SLC25A21: variants seen among roughly 807,000 people sequenced by gnomAD.
SLC25A21 encodes the protein mitochondrial 2-oxodicarboxylate carrier.
SLC25A21 carries 47 observed loss-of-function variants against 43.8 expected under a neutral mutation model. That is an observed-to-expected ratio of 1.07 (90% CI 0.85 to 1.37). The LOEUF (loss-of-function observed/expected upper bound fraction) is 1.37, where lower values mean the gene tolerates loss of function less well. SLC25A21 is among the 40% of genes most tolerant of loss of function. The pLI is 0.00. For missense variants in SLC25A21, 352 were observed against 350.2 expected (o/e 1.00, Z -0.04); for synonymous variants, 131 against 121.3 (o/e 1.08, Z -0.52).
At chr14:37,145,235 C>G (rs998853585) in intron 1 of SLC25A21, among the ~76,000 whole-genome samples, 1 of 151,786 alleles carries the variant, frequency 6.6e-6, no homozygotes, top group African/African-American at 2.4e-5. Flanking sequence ...ATCAGAATCC[C>G]CATAGAATAC....
chr14:37,156,649 G>C (rs1405729682), intron 1 of SLC25A21, among the ~76,000 whole-genome samples: 1 of 150,860 alleles, frequency 6.6e-6, no homozygotes, highest in Non-Finnish European at 1.5e-5. Context: ...AGCTAAAACA[G>C]GCTTTAAGTC....
chr14:36,824,258 T>TG (rs1888738940), intron 2 of SLC25A21, among the ~76,000 whole-genome samples: 1 of 152,054 alleles, frequency 6.6e-6, no homozygotes, highest in Non-Finnish European at 1.5e-5. Context: ...GGAAAAAAAT[T>TG]GGGGGAATGG....
chr14:37,027,798 C>T (rs899082769), intron 1 of SLC25A21, among the ~76,000 whole-genome samples: 2 of 152,080 alleles, frequency 1.3e-5, no homozygotes, highest in Non-Finnish European at 2.9e-5. Flanking sequence ...TGCTCTAGTG[C>T]GGTTCAAGGT....
intron 1 of SLC25A21, among the ~76,000 whole-genome samples, chr14:37,144,187 T>C (rs1006722429): frequency 2.0e-5 from 3 of 152,198 alleles, no homozygotes; most frequent in African/African-American, 7.2e-5. Context: ...CTATTTAACC[T>C]ATAAATCAGT....
At chr14:36,931,871 T>A (rs747584203) in intron 1 of SLC25A21, among the ~76,000 whole-genome samples, 3 of 152,182 alleles carry the variant, frequency 2.0e-5, no homozygotes, top group South Asian at 2.1e-4. Flanking sequence ...AAAATAAAAT[T>A]AAATTAATTT....
intron 2 of SLC25A21, among the ~76,000 whole-genome samples, chr14:36,864,988 A>T (rs396986): frequency 0.013 from 1,994 of 147,750 alleles, 26 homozygotes; most frequent in Non-Finnish European, 0.022. Flanking sequence ...TTTTCCTTGT[A>T]TTCTCTCCCC....
At chr14:36,837,597 T>C (rs892535646) in intron 2 of SLC25A21, among the ~76,000 whole-genome samples, 1 of 152,142 alleles carries the variant, frequency 6.6e-6, no homozygotes, top group Non-Finnish European at 1.5e-5. Context: ...TGTGGGGCCA[T>C]GTCCAGTCAG....
intron 3 of SLC25A21, among the ~76,000 whole-genome samples, chr14:36,800,989 T>C (rs904012567): frequency 2.0e-5 from 3 of 152,226 alleles, no homozygotes; most frequent in African/African-American, 2.4e-5. Flanking sequence ...TTACAGAAAA[T>C]ACCTTCATTT....
At chr14:36,752,120 A>C (rs115494363) in intron 3 of SLC25A21, among the ~76,000 whole-genome samples, 223 of 152,344 alleles carry the variant, frequency 1.5e-3, no homozygotes, top group Middle Eastern at 0.01. Context: ...AAACACATGA[A>C]TGAAATAATG....
intron 1 of SLC25A21, among the ~76,000 whole-genome samples, chr14:36,990,655 T>A (rs1343068365): frequency 3.3e-5 from 5 of 152,110 alleles, no homozygotes; most frequent in African/African-American, 1.2e-4. Flanking sequence ...GGTGGGAGAA[T>A]AGCTTGAGTC....
chr14:37,120,466 T>C (rs1963187707), intron 1 of SLC25A21, among the ~76,000 whole-genome samples: 1 of 152,182 alleles, frequency 6.6e-6, no homozygotes, highest in African/African-American at 2.4e-5. Flanking sequence ...AGTCCTCCAA[T>C]AAATCAGTGG....
chr14:36,697,072 C>A (rs1348383603), intron 7 of SLC25A21, among the ~76,000 whole-genome samples: 2 of 152,174 alleles, frequency 1.3e-5, no homozygotes, highest in Non-Finnish European at 2.9e-5. Context: ...CCTGTACACA[C>A]CGCTTTAAAT....
chr14:37,085,022 T>C (rs1308786183), intron 1 of SLC25A21, among the ~76,000 whole-genome samples: 3 of 152,236 alleles, frequency 2.0e-5, no homozygotes, highest in Non-Finnish European at 4.4e-5. Context: ...TGTCTGGTTT[T>C]TTTTAACTGG....
chr14:36,731,195 G>C (rs1296617416), intron 4 of SLC25A21, among the ~76,000 whole-genome samples: 1 of 152,104 alleles, frequency 6.6e-6, no homozygotes, highest in Non-Finnish European at 1.5e-5. Flanking sequence ...GGATGGTCTC[G>C]ATCTCCTGAC....
chr14:36,736,157 G>T (rs1338178974), intron 3 of SLC25A21, among the ~76,000 whole-genome samples: 1 of 151,882 alleles, frequency 6.6e-6, no homozygotes, highest in Non-Finnish European at 1.5e-5. Context: ...GGATGGTCTC[G>T]ATCTCCTGAC....
intron 1 of SLC25A21, among the ~76,000 whole-genome samples, chr14:36,940,972 CTTTCT>C (rs1892541686): frequency 6.6e-6 from 1 of 152,050 alleles, no homozygotes. Flanking sequence ...CATTTCATTG[CTTTCT>C]TTTTTCTTTT....
chr14:37,139,117 C>T lies in SLC25A21; in HGVS notation c.70+33164G>A, dbSNP rs1483749841. Among the ~76,000 whole-genome samples, 3 of 152,088 alleles carry T rather than the reference C, an allele frequency of 2.0e-5. No individual in the cohort carries two copies. In the East Asian group the frequency reaches 5.8e-4, roughly 29 times the overall value. ...ATTGATTAGTTTTTGTATACTACCA[C>T]ACATTTAACTTATAGGGAAAGATTT... is the stretch of plus-strand genomic sequence containing the variant. On this transcript the variant is annotated intron_variant, in intron 1 of 9. Transcript: ENST00000331299.
intron 1 of SLC25A21, among the ~76,000 whole-genome samples, chr14:37,025,345 C>T (rs918115434): frequency 7.9e-5 from 12 of 152,116 alleles, no homozygotes; most frequent in Admixed American, 1.3e-4. Context: ...AATGAAAGAA[C>T]TCTGGGAACT....
chr14:37,029,070 C>A (rs1436870689), intron 1 of SLC25A21, among the ~76,000 whole-genome samples: 1 of 152,160 alleles, frequency 6.6e-6, no homozygotes, highest in Non-Finnish European at 1.5e-5. Context: ...ACATTATGAT[C>A]TTTCTTTGGG....
Sources: allele counts gnomAD v4.1 joint callset (sites outside exome capture counted in the v4.1 genomes callset), GRCh38; gene constraint gnomAD v4.1.1; transcripts MANE v1.5; gene names NCBI Gene and HGNC (gene_info 2026-07-23, HGNC 2026-07-21).